The following NXN variants were observed in gnomAD, a reference collection of about 807,000 sequenced individuals.
NXN encodes the protein nucleoredoxin, also known as nucleoredoxin 1.
NXN carries 16 observed loss-of-function variants against 48.6 expected under a neutral mutation model. That is an observed-to-expected ratio of 0.33 (90% CI 0.22 to 0.50). The LOEUF (loss-of-function observed/expected upper bound fraction) is 0.50. Ranked by LOEUF, NXN falls within the 20% of genes least tolerant of loss-of-function variation. NXN has a pLI of 0.98. For synonymous variants in NXN, 281 were observed against 269.6 expected (o/e 1.04, Z -0.41); for missense variants, 492 against 605.5 (o/e 0.81, Z 1.97).
intron 1 of NXN, among the ~76,000 whole-genome samples, chr17:858,171 A>G (rs999797472): frequency 1.3e-5 from 2 of 151,492 alleles, no homozygotes; most frequent in Non-Finnish European, 2.9e-5. Context: ...ACGTTTCACC[A>G]TGTTGCGGCT....
At position 809,123 on chromosome 17, in the gene NXN, C is replaced by T. The variant is rs942498076; in HGVS notation, c.821-3876G>A. On this transcript the variant is annotated intron_variant, in intron 5 of 7. Coordinates refer to ENST00000336868, the MANE Select transcript of NXN (RefSeq NM_022463.5). ...TAGCTAAAGAAGCAGAAAGCAGAGACACTGTCAAGACCGTGGTGAGGGTTC... is the reference window on the plus strand; with the variant it reads ...TAGCTAAAGAAGCAGAAAGCAGAGATACTGTCAAGACCGTGGTGAGGGTTC... Among the ~76,000 whole-genome samples the T allele has an allele frequency of 2.6e-5, 4 of 152,176 alleles. 1 individual carries two copies. Among genetic ancestry groups the T allele is most frequent in the Admixed American group, 6.5e-5 (1 of 15,278 alleles).
Position 917,759 on chromosome 17 carries a change from G to A in NXN, c.360+61560C>T, listed in dbSNP as rs2068703200. Among the ~76,000 whole-genome samples the A allele has an allele frequency of 6.6e-6, 1 of 152,212 alleles. No individual in the cohort carries two copies. The highest frequency in any genetic ancestry group is 1.5e-5 in the Non-Finnish European group (1 of 68,048). ...ACAAGGGGCGCGTACTGGCACAACA[G>A]GCGGGCGTGGCTCTCGCTCCCCAGG... On this transcript the variant is annotated intron_variant, in intron 1 of 7. Transcript: ENST00000336868. The surrounding 1 kb of genome is among the most constrained non-coding windows in gnomAD (Gnocchi z 4.5).
chr17:968,915 A>C (rs333638), intron 1 of NXN, among the ~76,000 whole-genome samples: 23,713 of 151,768 alleles, frequency 0.16, 4,729 homozygotes, highest in African/African-American at 0.46. Context: ...CCAGCCTGGG[A>C]GACAGAGAGA....
intron 1 of NXN, among the ~76,000 whole-genome samples, chr17:963,940 G>A (rs1408730724): frequency 1.3e-5 from 2 of 150,300 alleles, no homozygotes; most frequent in South Asian, 2.1e-4. Flanking sequence ...AGCCGGGCGT[G>A]GTGGCGGGCG....
At chr17:829,837 T>A (rs1391916194) in intron 1 of NXN, among the ~76,000 whole-genome samples, 1 of 152,190 alleles carries the variant, frequency 6.6e-6, no homozygotes, top group Non-Finnish European at 1.5e-5. Flanking sequence ...TTCCATGGTG[T>A]ATATGTGCCA....
chr17:838,669 A>T (rs183149045), intron 1 of NXN, among the ~76,000 whole-genome samples: 1 of 152,352 alleles, frequency 6.6e-6, no homozygotes, highest in Admixed American at 6.5e-5. Flanking sequence ...ACAACCACAT[A>T]TGGCAGATCA....
At chr17:828,791 A>G (rs577031197) in intron 1 of NXN, among the ~76,000 whole-genome samples, 47 of 152,314 alleles carry the variant, frequency 3.1e-4, no homozygotes, top group Admixed American at 9.2e-4. Context: ...ACAACAGAAC[A>G]AGACCATCCT....
chr17:851,878 T>A (rs1347365726), intron 1 of NXN, among the ~76,000 whole-genome samples: 3 of 152,116 alleles, frequency 2.0e-5, no homozygotes, highest in Non-Finnish European at 4.4e-5. Flanking sequence ...AAAGCGGAGG[T>A]CGGCTTTCTC....
At position 800,668 on chromosome 17, in the gene NXN, G is replaced by A. The variant is rs1911152939; in HGVS notation, c.*281C>T. 1 of 258,164 alleles carries A rather than the reference G, an allele frequency of 3.9e-6. No individual in the cohort carries two copies. The highest frequency in any genetic ancestry group is 7.3e-6 in the Non-Finnish European group (1 of 136,326). The allele number at this position is 258,164 out of a possible 1,614,324, so 16.0% of individuals were successfully genotyped here. ...CACCCTGGCAGATCCTTCACCAAAAGCTAGTGACTTTGCGAAAGCCATGCA... is the reference window on the plus strand; with the variant it reads ...CACCCTGGCAGATCCTTCACCAAAAACTAGTGACTTTGCGAAAGCCATGCA... On this transcript the variant is annotated 3_prime_UTR_variant, in exon 8 of 8. Transcript: ENST00000336868.
chr17:915,527 A>AAGTGACTC (rs2068680115), intron 1 of NXN, among the ~76,000 whole-genome samples: 65 of 151,242 alleles, frequency 4.3e-4, no homozygotes, highest in Admixed American at 3.3e-4. Flanking sequence ...TCAGGCAATC[A>AAGTGACTC]ACCTGCCTCA....
chr17:831,908 T>C (rs1227249326), intron 1 of NXN, among the ~76,000 whole-genome samples: 1 of 79,268 alleles, frequency 1.3e-5, no homozygotes, highest in Admixed American at 1.1e-4. Context: ...TAAACTATCC[T>C]TGCCTTCTTA....
At chr17:891,866 A>G (rs1597699873) in intron 1 of NXN, among the ~76,000 whole-genome samples, 1 of 131,084 alleles carries the variant, frequency 7.6e-6, no homozygotes, top group Admixed American at 7.3e-5. Flanking sequence ...CCAACAGGGA[A>G]CCTAAACTAA....
At chr17:854,654 CAA>C (rs538020306) in intron 1 of NXN, among the ~76,000 whole-genome samples, 13 of 62,056 alleles carry the variant, frequency 2.1e-4, no homozygotes, top group East Asian at 4.6e-4. Flanking sequence ...GACTCTGTCT[CAA>C]AAAAAAAAAA....
At chr17:822,669 C>G (rs1912881455) in intron 3 of NXN, among the ~76,000 whole-genome samples, 1 of 152,190 alleles carries the variant, frequency 6.6e-6, no homozygotes, top group Non-Finnish European at 1.5e-5. Context: ...CCAGCCTGGG[C>G]AACACAGCAA....
intron 1 of NXN, among the ~76,000 whole-genome samples, chr17:836,570 A>G (rs970819556): frequency 6.6e-6 from 1 of 152,176 alleles, no homozygotes; most frequent in Non-Finnish European, 1.5e-5. Flanking sequence ...CACCAGGACG[A>G]ACACTGAGGT....
intron 1 of NXN, among the ~76,000 whole-genome samples, chr17:942,464 A>G (rs1164348566): frequency 1.7e-5 from 1 of 59,436 alleles, no homozygotes; most frequent in Non-Finnish European, 3.8e-5. Flanking sequence ...TCCAGGGTGC[A>G]GCCATGAATT....
rs1224250149 is a variant in NXN, at chr17:919,229, G to C, written c.360+60090C>G. 6.6e-6 allele frequency among the ~76,000 whole-genome samples: 1 copy of C among 152,102 alleles called. No homozygotes were observed. Among genetic ancestry groups the C allele is most frequent in the Non-Finnish European group, 1.5e-5 (1 of 68,016 alleles). On this transcript the variant is annotated intron_variant, in intron 1 of 7. Coordinates refer to ENST00000336868, the MANE Select transcript of NXN (RefSeq NM_022463.5). The surrounding 1 kb of genome is among the most constrained non-coding windows in gnomAD (Gnocchi z 5.1). ...AATACAAAAATCAGCCGGGCGTCAT[G>C]GCGGGCACCTGTAGTCCCAGTTCCT...
chr17:838,170 C>T lies in NXN; in HGVS notation c.361-12092G>A, dbSNP rs1290005638. Among the ~76,000 whole-genome samples the T allele has an allele frequency of 2.4e-4, 28 of 117,626 alleles. No individual in the cohort carries two copies. The East Asian group carries it at 8.8e-3, about 37-fold the overall frequency. The allele number at this position is 117,626 out of a possible 152,430, so 77.2% of individuals were successfully genotyped here. On this transcript the variant is annotated intron_variant, in intron 1 of 7. Transcript: ENST00000336868. ...TTTTTGAGATGGAGTCTCGCTCTGT[C>T]GCCCAGGCTGGAGTGCAGTGGCTCG...
At chr17:960,846 C>T (rs1356409425) in intron 1 of NXN, among the ~76,000 whole-genome samples, 1 of 143,960 alleles carries the variant, frequency 6.9e-6, no homozygotes, top group East Asian at 2.1e-4. Flanking sequence ...AGTGCAGTGG[C>T]GCAATCTCGG....
Sources: allele counts gnomAD v4.1 joint callset (sites outside exome capture counted in the v4.1 genomes callset), GRCh38; gene constraint gnomAD v4.1.1; non-coding constraint Gnocchi (gnomAD v3.1); transcripts MANE v1.5; gene names NCBI Gene and HGNC (gene_info 2026-07-23, HGNC 2026-07-21).